The following TPTE variants were observed in gnomAD, a reference collection of about 807,000 sequenced individuals.
TPTE encodes the protein putative tyrosine-protein phosphatase TPTE.
In TPTE, 59 loss-of-function variants were observed where a neutral mutation model predicts 84.1. The observed-to-expected ratio is 0.70, with a 90% confidence interval of 0.57 to 0.87. TPTE has a LOEUF of 0.87. Ranked by LOEUF, TPTE falls within the 40% of genes least tolerant of loss-of-function variation. TPTE has a pLI of 0.00. For missense variants in TPTE, 382 were observed against 659.6 expected (o/e 0.58, Z 4.61); for synonymous variants, 130 against 223.5 (o/e 0.58, Z 3.73).
intron 1 of TPTE, among the ~76,000 whole-genome samples, chr21:10,524,172 A>G (rs1339828410): frequency 6.6e-6 from 1 of 152,310 alleles, no homozygotes; most frequent in Admixed American, 6.5e-5. Context: ...GTCTCTGAGC[A>G]AGGGAGTCCC....
intron 8 of TPTE, among the ~76,000 whole-genome samples, chr21:10,553,114 A>T (rs1270115586): frequency 3.9e-5 from 6 of 152,312 alleles, no homozygotes; most frequent in African/African-American, 9.6e-5. Flanking sequence ...ATTGATAGCA[A>T]AAGCAAACAT....
intron 21 of TPTE, among the ~76,000 whole-genome samples, chr21:10,599,477 C>G (rs571191106): frequency 6.6e-6 from 1 of 152,310 alleles, no homozygotes; most frequent in Non-Finnish European, 1.5e-5. Flanking sequence ...ACACCTCTGG[C>G]TCAACATCCT....
chr21:10,538,778 G>A (rs763718876), intron 4 of TPTE, 44 bp downstream of exon 4: 20 of 1,613,922 alleles, frequency 1.2e-5, no homozygotes, highest in Middle Eastern at 1.6e-4. Context: ...AATTATAACT[G>A]AGCATAGAAG....
At chr21:10,547,220 C>T (rs1405226110) in intron 7 of TPTE, among the ~76,000 whole-genome samples, 6 of 152,310 alleles carry the variant, frequency 3.9e-5, no homozygotes, top group South Asian at 2.1e-4. Flanking sequence ...CTCATCTCCC[C>T]TACAAGAAAG....
At chr21:10,548,120 G>T (rs1169107569) in intron 7 of TPTE, among the ~76,000 whole-genome samples, 1 of 152,306 alleles carries the variant, frequency 6.6e-6, no homozygotes. Flanking sequence ...ACACCACCGA[G>T]TGGGCCTTGC....
chr21:10,559,445 T>C (rs210537), intron 8 of TPTE, 49 bp from the exon 9 acceptor site: 208,389 of 1,535,058 alleles, frequency 0.14, 204 homozygotes, highest in African/African-American at 0.47. Flanking sequence ...AAATTTACAA[T>C]ATATGTTAGA....
intron 1 of TPTE, among the ~76,000 whole-genome samples, chr21:10,523,105 G>C (rs991978017): frequency 6.6e-6 from 1 of 152,300 alleles, no homozygotes; most frequent in Non-Finnish European, 1.5e-5. Flanking sequence ...ACCCACAAAG[G>C]AAGCTGAACA....
At chr21:10,535,276 T>C (rs968646379) in intron 3 of TPTE, among the ~76,000 whole-genome samples, 1 of 152,310 alleles carries the variant, frequency 6.6e-6, no homozygotes, top group Non-Finnish European at 1.5e-5. Flanking sequence ...GAAATGTGAA[T>C]TAGAAACAAG....
chr21:10,549,512 A>G (rs574446411), intron 7 of TPTE, among the ~76,000 whole-genome samples: 3 of 152,424 alleles, frequency 2.0e-5, no homozygotes, highest in Middle Eastern at 6.8e-3. Context: ...AAAATAACCA[A>G]ACAGAAGCCC....
In TPTE at chr21:10,605,647, A is replaced by G; in HGVS notation, c.*95A>G. 2 of 1,578,886 alleles carry G rather than the reference A, an allele frequency of 1.3e-6. No homozygotes were observed. The highest frequency in any genetic ancestry group is 8.6e-7 in the Non-Finnish European group (1 of 1,166,162). ...CTAAATCTATCCTAAATGTTCCTTGAAGTATTTATTTATGTTTATATATGT... is the reference window on the plus strand; with the variant it reads ...CTAAATCTATCCTAAATGTTCCTTGGAGTATTTATTTATGTTTATATATGT... On this transcript the variant is annotated 3_prime_UTR_variant, in exon 24 of 24. Coordinates refer to ENST00000618007, the MANE Select transcript of TPTE (RefSeq NM_199261.4).
chr21:10,548,580 A>G (rs1363446665), intron 7 of TPTE, among the ~76,000 whole-genome samples: 1 of 152,400 alleles, frequency 6.6e-6, no homozygotes, highest in Middle Eastern at 3.4e-3. Flanking sequence ...TCTATGGACT[A>G]CCCCCAGCAG....
At chr21:10,583,073 A>G (rs2075298727) in intron 17 of TPTE, among the ~76,000 whole-genome samples, 2 of 152,310 alleles carry the variant, frequency 1.3e-5, no homozygotes, top group Admixed American at 6.5e-5. Context: ...CTTGTTGCAC[A>G]TGTGGCCACA....
chr21:10,543,293 A>G, intron 6 of TPTE, 36 bp from the exon 7 acceptor site: 3 of 1,049,724 alleles, frequency 2.9e-6, no homozygotes, highest in Admixed American at 3.4e-5. Context: ...CGGCCTCCCA[A>G]AGTGCTGCTG....
At chr21:10,581,401 T>C (rs2075268900) in intron 17 of TPTE, among the ~76,000 whole-genome samples, 1 of 152,310 alleles carries the variant, frequency 6.6e-6, no homozygotes, top group African/African-American at 2.4e-5. Flanking sequence ...CTGACTTTTT[T>C]TCTTTTGTGC....
chr21:10,534,818 CAAG>C (rs1427420210), intron 3 of TPTE, among the ~76,000 whole-genome samples: 2 of 152,306 alleles, frequency 1.3e-5, no homozygotes, highest in Non-Finnish European at 2.9e-5. Context: ...AAGTAGATCA[CAAG>C]AAGTCTACTT....
intron 2 of TPTE, among the ~76,000 whole-genome samples, chr21:10,525,282 T>G (rs2074058577): frequency 6.6e-6 from 1 of 152,310 alleles, no homozygotes; most frequent in Non-Finnish European, 1.5e-5. Context: ...TCAACTAACG[T>G]GTTTTGGAGA....
intron 10 of TPTE, among the ~76,000 whole-genome samples, chr21:10,562,662 A>T (rs1007079673): frequency 2.6e-5 from 4 of 152,312 alleles, no homozygotes; most frequent in Admixed American, 1.3e-4. Context: ...AGCAGAATTG[A>T]TAAACCAGAA....
At chr21:10,559,737 A>G (rs1250489800) in intron 9 of TPTE, among the ~76,000 whole-genome samples, 193 bp downstream of exon 9, 1 of 152,292 alleles carries the variant, frequency 6.6e-6, no homozygotes, top group Non-Finnish European at 1.5e-5. Context: ...AGCCAAGCAT[A>G]ATGGTGGGTG....
At chr21:10,590,055 GT>G (rs1275794806) in intron 17 of TPTE, among the ~76,000 whole-genome samples, 2 of 152,308 alleles carry the variant, frequency 1.3e-5, no homozygotes, top group African/African-American at 4.8e-5. Flanking sequence ...ACATTTATAT[GT>G]GAGACTGGTG....
Sources: allele counts gnomAD v4.1 joint callset (sites outside exome capture counted in the v4.1 genomes callset), GRCh38; gene constraint gnomAD v4.1.1; transcripts MANE v1.5; gene names NCBI Gene and HGNC (gene_info 2026-07-23, HGNC 2026-07-21).